Variants in ZNF184 observed in about 807,000 individuals in gnomAD.
ZNF184 encodes the protein zinc finger protein 184, also known as zinc finger protein 184 (Kruppel-like).
A neutral mutation model predicts 54.4 loss-of-function variants in ZNF184; 16 were observed. That is an observed-to-expected ratio of 0.29 (90% CI 0.20 to 0.45). The LOEUF is 0.45. Among genes scored for constraint, ZNF184 ranks in the 20% least tolerant of loss-of-function variants. The pLI is 1.00. For missense variants in ZNF184, 681 were observed against 888.2 expected (o/e 0.77, Z 2.97); for synonymous variants, 254 against 295.3 (o/e 0.86, Z 1.43).
intron 3 of ZNF184, among the ~76,000 whole-genome samples, chr6:27,461,345 G>T (rs1762990866): frequency 6.6e-6 from 1 of 152,028 alleles, no homozygotes; most frequent in Admixed American, 6.6e-5. Context: ...ATCCTCTTTT[G>T]TATGCTTTGC....
chr6:27,458,295 T>TAAAAAAAAAAAAAAAAAAA (rs55966783), intron 3 of ZNF184, among the ~76,000 whole-genome samples: 5 of 62,366 alleles, frequency 8.0e-5, no homozygotes, highest in African/African-American at 1.4e-4. Context: ...TTCTGCACAG[T>TAAAAAAAAAAAAAAAAAAA]AAAAAAAAAA....
At chr6:27,423,042 G>A in the ZNF184 span, among the ~76,000 whole-genome samples, 10 of 152,350 alleles carry the variant, frequency 6.6e-5, no homozygotes, top group East Asian at 1.5e-3. Context: ...CTTCGGAAGT[G>A]GCCTCGGAGG....
intron 3 of ZNF184, among the ~76,000 whole-genome samples, chr6:27,462,592 C>T (rs1763024553): frequency 6.6e-6 from 1 of 151,204 alleles, no homozygotes; most frequent in South Asian, 2.1e-4. Flanking sequence ...CAGCTGGGCA[C>T]AGTGGCTCAC....
At chr6:27,407,748 G>C in the ZNF184 span, 1 of 768,222 alleles carries the variant, frequency 1.3e-6, no homozygotes, top group Non-Finnish European at 2.4e-6. Context: ...CAAACCAGAG[G>C]CGGAGATGTC....
downstream of ZNF184, among the ~76,000 whole-genome samples, chr6:27,449,571 A>G (rs987958846): frequency 1.3e-5 from 2 of 152,174 alleles, no homozygotes; most frequent in African/African-American, 4.8e-5. Flanking sequence ...TGGGCAACAT[A>G]GCCAGACCCC....
the ZNF184 span, among the ~76,000 whole-genome samples, chr6:27,412,212 A>G: frequency 6.6e-6 from 1 of 152,194 alleles, no homozygotes; most frequent in Non-Finnish European, 1.5e-5. Flanking sequence ...CCTAGGAAAC[A>G]TAGTCTGCGA....
chr6:27,422,151 AGAAAGAAAGAAAGAAAG>A, the ZNF184 span, among the ~76,000 whole-genome samples: 74 of 89,624 alleles, frequency 8.3e-4, 7 homozygotes, highest in African/African-American at 3.3e-3. Flanking sequence ...AAAAAAAAAA[AGAAAGAAAGAAAGAAAG>A]AAAGAAAGAA....
chr6:27,425,117 C>CCGAG, the ZNF184 span, among the ~76,000 whole-genome samples: 1 of 152,218 alleles, frequency 6.6e-6, no homozygotes, highest in Non-Finnish European at 1.5e-5. Flanking sequence ...GCCGGCTGCT[C>CCGAG]CGAGCGCGGG....
chr6:27,471,805 G>A (rs1477605432), intron 2 of ZNF184, among the ~76,000 whole-genome samples: 1 of 152,088 alleles, frequency 6.6e-6, no homozygotes, highest in African/African-American at 2.4e-5. Flanking sequence ...AAAGTTACAG[G>A]GACAAGTACA....
the ZNF184 span, among the ~76,000 whole-genome samples, chr6:27,418,840 T>C: frequency 6.6e-6 from 1 of 152,152 alleles, no homozygotes; most frequent in African/African-American, 2.4e-5. Context: ...TATACAAAGG[T>C]GCTAAATTTT....
the ZNF184 span, among the ~76,000 whole-genome samples, chr6:27,433,799 C>T: frequency 2.2e-4 from 33 of 152,154 alleles, no homozygotes; most frequent in Admixed American, 1.8e-3. Flanking sequence ...GTTATGAATA[C>T]GGATGCACAA....
At chr6:27,410,218 A>G in the ZNF184 span, among the ~76,000 whole-genome samples, 1 of 152,348 alleles carries the variant, frequency 6.6e-6, no homozygotes, top group East Asian at 1.9e-4. Context: ...TTAATTCACC[A>G]CATTATGGGA....
chr6:27,414,570 C>A, the ZNF184 span, among the ~76,000 whole-genome samples: 1 of 151,962 alleles, frequency 6.6e-6, no homozygotes, highest in African/African-American at 2.4e-5. Context: ...TACGCTATTC[C>A]TTCTGCTTGC....
chr6:27,464,517 C>A (rs1323637521), intron 3 of ZNF184, among the ~76,000 whole-genome samples: 1 of 151,032 alleles, frequency 6.6e-6, no homozygotes, highest in African/African-American at 2.4e-5. Flanking sequence ...AAAATAGAAT[C>A]ATAAGCATAT....
chr6:27,418,883 CATGAGTATTT>C, the ZNF184 span, among the ~76,000 whole-genome samples: 2 of 151,986 alleles, frequency 1.3e-5, no homozygotes. Context: ...ACTTTTAATT[CATGAGTATTT>C]TTATTTTTTT....
Position 27,451,127 on chromosome 6 carries a change from G to T in ZNF184, c.*176C>A. ...CAGTAGAGTTTTCTAATGTCACAGA[G>T]TGGCTTAATAACAATTGGATTAGTT... On this transcript the variant is annotated 3_prime_UTR_variant, in exon 6 of 6. Coordinates refer to ENST00000683788, the MANE Select transcript of ZNF184 (RefSeq NM_001318891.2). 1 of 615,220 alleles carries T rather than the reference G, an allele frequency of 1.6e-6. No homozygotes were observed. Among genetic ancestry groups the T allele is most frequent in the East Asian group, 3.0e-5 (1 of 33,156 alleles). 38.1% of individuals were successfully genotyped at this position (615,220 alleles called of 1,614,324 possible).
chr6:27,418,353 C>T, the ZNF184 span, among the ~76,000 whole-genome samples: 5 of 152,232 alleles, frequency 3.3e-5, no homozygotes, highest in Admixed American at 3.3e-4. Flanking sequence ...TGGCAGATCC[C>T]AGTCCTTGAG....
At chr6:27,429,100 A>C in the ZNF184 span, among the ~76,000 whole-genome samples, 2 of 152,202 alleles carry the variant, frequency 1.3e-5, no homozygotes, top group Non-Finnish European at 2.9e-5. Context: ...CTAAGTCATA[A>C]AAGGTGTTGT....
chr6:27,447,071 TC>T (rs61053735), downstream of ZNF184, among the ~76,000 whole-genome samples: 77,063 of 132,056 alleles, frequency 0.58, 20,834 homozygotes, highest in South Asian at 0.7. Flanking sequence ...GCCACTGCAA[TC>T]AAAAAAAAAA....
Sources: gnomAD v4.1 joint callset for allele counts (sites outside exome capture counted in the v4.1 genomes callset) on GRCh38, gnomAD v4.1.1 for gene constraint, MANE v1.5 for transcripts, NCBI Gene and HGNC (gene_info 2026-07-23, HGNC 2026-07-21) for gene names.